The following CDC40 variants were observed in gnomAD, a reference collection of about 807,000 sequenced individuals.
The protein encoded by CDC40 is cell division cycle 40, also known as pre-mRNA-processing factor 17.
In CDC40, 27 loss-of-function variants were observed where a neutral mutation model predicts 80.6. The ratio of observed to expected loss-of-function variants is 0.33; its 90% confidence interval spans 0.25 to 0.46. The LOEUF (loss-of-function observed/expected upper bound fraction) is 0.46, where lower values mean the gene tolerates loss of function less well. Ranked by LOEUF, CDC40 falls within the 20% of genes least tolerant of loss-of-function variation. The pLI, the probability that CDC40 is intolerant of heterozygous loss-of-function variation, is 1.00. For synonymous variants in CDC40, 221 were observed against 232.6 expected (o/e 0.95, Z 0.45); for missense variants, 486 against 694.1 (o/e 0.70, Z 3.37).
At chr6:110,223,067 C>G (rs1335328115) in intron 12 of CDC40, among the ~76,000 whole-genome samples, 3 of 152,134 alleles carry the variant, frequency 2.0e-5, no homozygotes, top group Non-Finnish European at 4.4e-5. Flanking sequence ...TCTGATCAAA[C>G]TGATTCCAAA....
At chr6:110,217,912 TC>T in intron 10 of CDC40, 109 bp downstream of exon 10, 1 of 586,964 alleles carries the variant, frequency 1.7e-6, no homozygotes, top group South Asian at 1.9e-5. Flanking sequence ...CTGCTGATTC[TC>T]ATACCATTCA....
intron 2 of CDC40, chr6:110,199,161 T>G (rs1777457041): frequency 6.6e-6 from 1 of 152,210 alleles, no homozygotes; most frequent in South Asian, 2.1e-4. Context: ...ATTTTTAGAT[T>G]GCTTTATGTG....
chr6:110,180,475 T>A lies in CDC40; in HGVS notation c.31T>A (p.Ser11Thr). 1 of 1,614,200 alleles carries A rather than the reference T, an allele frequency of 6.2e-7. No homozygotes were observed. Among genetic ancestry groups the A allele is most frequent in the Non-Finnish European group, 8.5e-7 (1 of 1,180,040 alleles). The stretch of plus-strand genomic sequence containing the variant: ...GGCTGCGATTGCAGCTCTGGCCGCT[T>A]CCTATGGTTCGGGTTCAGGGTCCGA... Reference protein sequence around the residue: MSAAIAALAASYGSGSGSESD... With the variant: MSAAIAALAATYGSGSGSESD... Residue 11 changes from serine (S) to threonine (T), a missense_variant, in exon 1 of 15, where the codon TCC becomes ACC. Ser to Thr is a moderately conservative substitution (Grantham distance 58). Around this residue, in one of 3 missense-constraint regions of CDC40, gnomAD observed 381 missense variants for 492.1 expected, o/e 0.77. Transcript: ENST00000307731.
intron 10 of CDC40, 30 bp from the exon 11 acceptor site, chr6:110,219,334 T>A (rs1562206571): frequency 2.0e-6 from 2 of 989,166 alleles, no homozygotes; most frequent in Admixed American, 4.0e-5. Flanking sequence ...AAATTTATTT[T>A]ACCTATTTAA....
At chr6:110,212,545 C>G (rs1489195531) in intron 7 of CDC40, among the ~76,000 whole-genome samples, 1 of 152,184 alleles carries the variant, frequency 6.6e-6, no homozygotes, top group African/African-American at 2.4e-5. Context: ...GCTCCTGCTA[C>G]AGTCTTCTTC....
chr6:110,210,949 A>G (rs1461267664), intron 6 of CDC40, 146 bp downstream of exon 6: 4 of 348,640 alleles, frequency 1.1e-5, no homozygotes, highest in Non-Finnish European at 2.1e-5. Flanking sequence ...TTTGTATCCC[A>G]AGGAAATTAC....
intron 1 of CDC40, among the ~76,000 whole-genome samples, chr6:110,190,772 G>A (rs560735405): frequency 2.0e-5 from 3 of 152,244 alleles, no homozygotes; most frequent in East Asian, 1.9e-4. Context: ...CAGTGGGCAC[G>A]AGGCTGGTGG....
Position 110,219,357 on chromosome 6 carries a change from G to A in CDC40, c.1091-7G>A. ...TTTACCTATTTAATTTGAGTCTTTGGTTTTAGGACAGTGTATATCAAGATT... is the reference window on the plus strand; with the variant it reads ...TTTACCTATTTAATTTGAGTCTTTGATTTTAGGACAGTGTATATCAAGATT... On this transcript the variant is annotated splice_region_variant and splice_polypyrimidine_tract_variant and intron_variant, in intron 10 of 14. Transcript: ENST00000307731. The A allele has an allele frequency of 1.5e-6, 2 of 1,323,698 alleles. No homozygotes were observed. The highest frequency in any genetic ancestry group is 1.2e-5 in the South Asian group (1 of 83,194). 82.0% of individuals were successfully genotyped at this position (1,323,698 alleles called of 1,614,324 possible). A position where few individuals can be genotyped will look rare whatever the true frequency, so the allele number is the denominator to read the frequency against.
intron 12 of CDC40, among the ~76,000 whole-genome samples, chr6:110,222,747 T>C (rs1474990030): frequency 6.6e-6 from 1 of 152,210 alleles, no homozygotes; most frequent in East Asian, 1.9e-4. Context: ...TGACAAGTTC[T>C]TAACCATGAG....
At chr6:110,197,192 A>G (rs1777429446) in intron 2 of CDC40, among the ~76,000 whole-genome samples, 1 of 152,230 alleles carries the variant, frequency 6.6e-6, no homozygotes, top group Admixed American at 6.5e-5. Context: ...CTCTATAAGT[A>G]AACCACTACT....
intron 2 of CDC40, 144 bp downstream of exon 2, chr6:110,193,412 G>GT (rs902103179): frequency 0.035 from 16,773 of 481,086 alleles, no homozygotes; most frequent in South Asian, 0.05. Flanking sequence ...CTTTTTTGTT[G>GT]TTTTTTTTTT....
Position 110,230,356 on chromosome 6 carries a change from A to G in CDC40, c.*225A>G, listed in dbSNP as rs1044797465. 1.1e-4 allele frequency: 45 copies of G among 422,162 alleles called. No homozygotes were observed. The highest frequency in any genetic ancestry group is 8.3e-4 in the African/African-American group (40 of 47,940). The allele number at this position is 422,162 out of a possible 1,614,324, so 26.2% of individuals were successfully genotyped here. A position where few individuals can be genotyped will look rare whatever the true frequency, so the allele number is the denominator to read the frequency against. On this transcript the variant is annotated 3_prime_UTR_variant, in exon 15 of 15. Transcript: ENST00000307731. ...AAAGTGGCTATTGACTTTCTATTTG[A>G]CAAGTAGTTATAATTGGCAAGCAGT...
chr6:110,210,961 G>A, intron 6 of CDC40, 158 bp downstream of exon 6: 1 of 327,688 alleles, frequency 3.1e-6, no homozygotes, highest in Non-Finnish European at 5.8e-6. Flanking sequence ...GGAAATTACA[G>A]CAGACTTCTG....
In CDC40 at chr6:110,201,780, T is replaced by C. The variant is rs1261617144; in HGVS notation, c.406+93T>C. ...CTGTTTTATCTTCTGGCTTTTAAAATTCACTGGATTCCTTCAGAAAGGATA... is the reference window on the plus strand; with the variant it reads ...CTGTTTTATCTTCTGGCTTTTAAAACTCACTGGATTCCTTCAGAAAGGATA... On this transcript the variant is annotated intron_variant, in intron 3 of 14. Transcript: ENST00000307731. 4 of 995,790 alleles carry C rather than the reference T, an allele frequency of 4.0e-6. No homozygotes were observed. In the African/African-American group the frequency reaches 4.8e-5, roughly 12 times the overall value. The allele number at this position is 995,790 out of a possible 1,614,324, so 61.7% of individuals were successfully genotyped here.
At position 110,219,355 on chromosome 6, in the gene CDC40, TG is replaced by T; in HGVS notation, c.1091-7del. 1 of 1,254,438 alleles carries T rather than the reference TG, an allele frequency of 8.0e-7. No homozygotes were observed. Among genetic ancestry groups the T allele is most frequent in the South Asian group, 1.3e-5 (1 of 78,592 alleles). The allele number at this position is 1,254,438 out of a possible 1,614,324, so 77.7% of individuals were successfully genotyped here. ...ATTTTACCTATTTAATTTGAGTCTT[TG>T]GTTTTAGGACAGTGTATATCAAGAT... On this transcript the variant is annotated splice_region_variant and splice_polypyrimidine_tract_variant and intron_variant, in intron 10 of 14. Coordinates refer to ENST00000307731, the MANE Select transcript of CDC40 (RefSeq NM_015891.3).
chr6:110,198,276 C>T (rs995464961), intron 2 of CDC40, among the ~76,000 whole-genome samples: 1 of 151,188 alleles, frequency 6.6e-6, no homozygotes, highest in East Asian at 2.0e-4. Context: ...CTCCTGAGTT[C>T]AAGCGATTGT....
chr6:110,197,122 A>G (rs955662601), intron 2 of CDC40, among the ~76,000 whole-genome samples: 2 of 152,164 alleles, frequency 1.3e-5, no homozygotes, highest in African/African-American at 4.8e-5. Context: ...TCCTTATAGT[A>G]TCAGATCTCT....
chr6:110,217,663 A>C, intron 9 of CDC40, 39 bp from the exon 10 acceptor site: 1 of 870,058 alleles, frequency 1.1e-6, no homozygotes, highest in Non-Finnish European at 2.0e-6. Flanking sequence ...GATATATGAT[A>C]CTTCACCTCA....
At position 110,213,047 on chromosome 6, in the gene CDC40, T is replaced by G. The variant is rs765790179; in HGVS notation, c.868-39T>G. 2.5e-4 allele frequency: 328 copies of G among 1,308,862 alleles called. 3 individuals are homozygous for G. The highest frequency in any genetic ancestry group is 5.8e-5 in the Non-Finnish European group (52 of 901,500). The allele number at this position is 1,308,862 out of a possible 1,614,324, so 81.1% of individuals were successfully genotyped here. On this transcript the variant is annotated intron_variant, in intron 7 of 14. Transcript: ENST00000307731. The stretch of plus-strand genomic sequence containing the variant: ...TGATGCTTCATTTGAGCTGATCTTT[T>G]GAATGCTTCTGGTTGATAACTGTAA...
Sources: gnomAD v4.1 joint callset for allele counts (sites outside exome capture counted in the v4.1 genomes callset) on GRCh38, gnomAD v4.1.1 for gene constraint, gnomAD v4.1.1 regional missense constraint, MANE v1.5 for transcripts, NCBI Gene and HGNC (gene_info 2026-07-23, HGNC 2026-07-21) for gene names.